The following NOTCH2 variants were observed in gnomAD, a reference collection of about 807,000 sequenced individuals.
The protein encoded by NOTCH2 is notch receptor 2.
Under a neutral mutation model 235.8 loss-of-function variants are expected in NOTCH2, and 29 were observed. The ratio of observed to expected loss-of-function variants is 0.12; its 90% CI spans 0.09 to 0.17. NOTCH2 has a LOEUF of 0.17. NOTCH2 is among the 10% of genes least tolerant of loss of function. The pLI is 1.00. For synonymous variants in NOTCH2, 1,086 were observed against 1,141.5 expected (o/e 0.95, Z 0.98); for missense variants, 2,285 against 3,150.2 (o/e 0.73, Z 6.57).
chr1:119,996,922 G>A (rs1553204263), intron 4 of NOTCH2, 75 bp downstream of exon 4: 1 of 1,553,234 alleles, frequency 6.4e-7, no homozygotes, highest in South Asian at 1.1e-5. Flanking sequence ...CCTAAAAACA[G>A]CAATTGAGCC....
At chr1:119,932,634 T>TCTAC (rs1557810093) in intron 22 of NOTCH2, among the ~76,000 whole-genome samples, 1 of 151,820 alleles carries the variant, frequency 6.6e-6, no homozygotes, top group Non-Finnish European at 1.5e-5. Context: ...TATCTATCTA[T>TCTAC]CTATCTATCT....
chr1:119,972,564 TAATAAACA>T (rs1651408962), intron 5 of NOTCH2, among the ~76,000 whole-genome samples: 2 of 152,284 alleles, frequency 1.3e-5, no homozygotes, highest in African/African-American at 4.8e-5. Flanking sequence ...TTATGCACCA[TAATAAACA>T]GACACTGAAA....
At chr1:120,005,076 C>G (rs587599558) in intron 3 of NOTCH2, among the ~76,000 whole-genome samples, 1 of 152,318 alleles carries the variant, frequency 6.6e-6, no homozygotes, top group Admixed American at 6.5e-5. Context: ...GCGTGCACCA[C>G]CGCACCTGGC....
intron 2 of NOTCH2, among the ~76,000 whole-genome samples, chr1:120,029,670 C>T (rs1247479975): frequency 4.6e-5 from 7 of 150,920 alleles, no homozygotes; most frequent in Non-Finnish European, 7.4e-5. Flanking sequence ...CATTAACTAG[C>T]CACTCACTGA....
At chr1:119,961,592 T>C (rs1365254664) in intron 11 of NOTCH2, among the ~76,000 whole-genome samples, 1 of 152,272 alleles carries the variant, frequency 6.6e-6, no homozygotes, top group African/African-American at 2.4e-5. Flanking sequence ...CTCTGGGTGC[T>C]TTCGCTAAGC....
At chr1:120,037,837 G>A (rs587599798) in intron 1 of NOTCH2, among the ~76,000 whole-genome samples, 2 of 151,772 alleles carry the variant, frequency 1.3e-5, no homozygotes, top group Admixed American at 6.6e-5. Flanking sequence ...GGGCTATAGG[G>A]TCATAGCAAA....
intron 1 of NOTCH2, among the ~76,000 whole-genome samples, chr1:120,039,254 A>G (rs587668142): frequency 2.9e-4 from 44 of 152,350 alleles, no homozygotes; most frequent in Non-Finnish European, 5.0e-4. Flanking sequence ...TGTGCTGCTT[A>G]GTGGTCAAAG....
rs373408997 is a variant in NOTCH2 at position 119,954,295 on chromosome 1, G to A, written c.2220-607C>T. Among the ~76,000 whole-genome samples the A allele has an allele frequency of 3.3e-4, 50 of 152,136 alleles. 1 individual carries two copies. Among genetic ancestry groups the A allele is most frequent in the Admixed American group, 2.9e-3 (44 of 15,262 alleles). The stretch of plus-strand genomic sequence containing the variant: ...ATCAGGAAATGATAGCTTTCTTATC[G>A]GGAGAATTTTAAGAAAATGAGAGAT... On this transcript the variant is annotated intron_variant, in intron 13 of 33. Transcript: ENST00000256646.
At chr1:119,967,953 G>T in intron 7 of NOTCH2, 124 bp downstream of exon 7, 1 of 1,070,482 alleles carries the variant, frequency 9.3e-7, no homozygotes, top group Non-Finnish European at 1.4e-6. Context: ...CACTGGCCAT[G>T]TAGCAAGAGT....
chr1:119,937,251 T>C, intron 21 of NOTCH2, 31 bp downstream of exon 21: 11 of 1,608,848 alleles, frequency 6.8e-6, no homozygotes, highest in African/African-American at 1.3e-5. Context: ...TCCTGGGAGG[T>C]CCATGACCTC....
chr1:119,923,673 C>T lies in NOTCH2; in HGVS notation c.4823G>A (p.Arg1608Lys). 6.2e-7 allele frequency: 1 copy of T among 1,614,158 alleles called. No individual in the cohort carries two copies. The highest frequency in any genetic ancestry group is 8.5e-7 in the Non-Finnish European group (1 of 1,180,024). Residue 1608 changes from arginine (R) to lysine (K), a missense_variant, in exon 26 of 34, where the codon AGA becomes AAA. Coordinates refer to ENST00000256646, the MANE Select transcript of NOTCH2 (RefSeq NM_024408.4). ...AAMKKQRMTR[R>K]SLPGEQEQEV... ...CTGTTCTTGTTCACCAGGAAGGGAT[C>T]TGCGTGTCATCCTCTGTTTCTTCAT...
chr1:119,917,593 G>T, intron 33 of NOTCH2, 72 bp downstream of exon 33: 1 of 990,404 alleles, frequency 1.0e-6, no homozygotes. Context: ...AAGCTGTAAG[G>T]AGAAACGGGA....
intron 5 of NOTCH2, among the ~76,000 whole-genome samples, chr1:119,983,506 A>G (rs1412082573): frequency 2.0e-5 from 3 of 152,204 alleles, no homozygotes; most frequent in African/African-American, 7.2e-5. Context: ...CTCAATTCAC[A>G]TTAGCCATAT....
chr1:119,988,113 A>T (rs1652090912), intron 4 of NOTCH2, among the ~76,000 whole-genome samples: 1 of 152,082 alleles, frequency 6.6e-6, no homozygotes, highest in African/African-American at 2.4e-5. Flanking sequence ...ACTTACTGGG[A>T]CTTACATTAG....
intron 5 of NOTCH2, among the ~76,000 whole-genome samples, chr1:119,984,588 T>C (rs1289389778): frequency 1.3e-5 from 2 of 152,206 alleles, no homozygotes; most frequent in Admixed American, 1.3e-4. Context: ...TTTATACATC[T>C]AATATCAGTA....
intron 14 of NOTCH2, 56 bp downstream of exon 14, chr1:119,953,487 T>A (rs782659291): frequency 6.4e-6 from 10 of 1,572,456 alleles, no homozygotes; most frequent in Non-Finnish European, 8.8e-6. Flanking sequence ...AGTCAAGCAG[T>A]ATGCAACAAC....
rs587729314 is a variant in NOTCH2, at chr1:119,920,920, T to C, written c.5311-523A>G. 3.3e-5 allele frequency among the ~76,000 whole-genome samples: 5 copies of C among 152,256 alleles called. No individual in the cohort carries two copies. The East Asian group carries it at 9.7e-4, about 29-fold the overall frequency. On this transcript the variant is annotated intron_variant, in intron 29 of 33. Coordinates refer to ENST00000256646, the MANE Select transcript of NOTCH2 (RefSeq NM_024408.4). ...AAAGACTATTCAATAATAATAATCA[T>C]GATAATTTAAAAGCAGCTACCCTTT...
At chr1:120,040,887 A>G (rs1654518453) in intron 1 of NOTCH2, among the ~76,000 whole-genome samples, 1 of 149,686 alleles carries the variant, frequency 6.7e-6, no homozygotes, top group Non-Finnish European at 1.5e-5. Flanking sequence ...AATACAAAAA[A>G]AAAATTAGCT....
rs868644071 is a variant in NOTCH2 at position 119,914,190 on chromosome 1, C to G, written c.*1116G>C. 7 of 233,130 alleles carry G rather than the reference C, an allele frequency of 3.0e-5. No homozygotes were observed. Among genetic ancestry groups the G allele is most frequent in the Middle Eastern group, 1.2e-3 (1 of 810 alleles). 14.4% of individuals were successfully genotyped at this position (233,130 alleles called of 1,614,324 possible). ...AAGGCTCAACAGTTAAGACTAGTTT[C>G]ATATGCTGGGTGAGTGAGTGAAACA... On this transcript the variant is annotated 3_prime_UTR_variant, in exon 34 of 34. Coordinates refer to ENST00000256646, the MANE Select transcript of NOTCH2 (RefSeq NM_024408.4).
Sources: allele counts gnomAD v4.1 joint callset (sites outside exome capture counted in the v4.1 genomes callset), GRCh38; gene constraint gnomAD v4.1.1; transcripts MANE v1.5; gene names NCBI Gene and HGNC (gene_info 2026-07-23, HGNC 2026-07-21).